MAP4K2: variants seen among roughly 807,000 people sequenced by gnomAD.
MAP4K2 encodes mitogen-activated protein kinase kinase kinase kinase 2, also known as B lymphocyte serine/threonine protein kinase.
Under a neutral mutation model 125.3 loss-of-function variants are expected in MAP4K2, and 85 were observed. The observed-to-expected ratio is 0.68, with a 90% CI of 0.57 to 0.81. MAP4K2 has a LOEUF of 0.81. MAP4K2 is among the 40% of genes least tolerant of loss of function. The pLI, the probability that MAP4K2 is intolerant of heterozygous loss-of-function variation, is 0.00. For missense variants in MAP4K2, 923 were observed against 1,056.4 expected, an observed-to-expected ratio of 0.87 and a Z score of 1.75; for synonymous variants, 479 against 445.1, an observed-to-expected ratio of 1.08 and a Z score of -0.96.
rs1041496704 is a variant in MAP4K2, at chr11:64,785,580, T to C, written c.*3957A>G. 1 of 145,772 alleles carries C rather than the reference T, an allele frequency of 6.9e-6. No individual in the cohort carries two copies. Among genetic ancestry groups the C allele is most frequent in the African/African-American group, 2.5e-5 (1 of 39,776 alleles). 9.0% of individuals were successfully genotyped at this position (145,772 alleles called of 1,614,324 possible). ...ATTACTTTTAAATATTTTTTAAAAATTTTTTTCCTTTTTTTTTTTTTCTTT... is the reference window on the plus strand; with the variant it reads ...ATTACTTTTAAATATTTTTTAAAAACTTTTTTCCTTTTTTTTTTTTTCTTT... On this transcript the variant is annotated 3_prime_UTR_variant, in exon 32 of 32. Transcript: ENST00000294066.
In MAP4K2 at chr11:64,792,572, C is replaced by G. The variant is rs535215453; in HGVS notation, c.1752-150G>C. 82 of 690,092 alleles carry G rather than the reference C, an allele frequency of 1.2e-4. No homozygotes were observed. In the South Asian group the frequency reaches 1.4e-3, roughly 12 times the overall value. 42.7% of individuals were successfully genotyped at this position (690,092 alleles called of 1,614,324 possible). On this transcript the variant is annotated intron_variant, in intron 24 of 31. Coordinates refer to ENST00000294066, the MANE Select transcript of MAP4K2 (RefSeq NM_004579.5). ...ACAGAGTAACTTGCCCCAAGAACAG[C>G]TGGGAAAGGTGGAGGATCTGAAGCC...
Position 64,796,834 on chromosome 11 carries a change from G to A in MAP4K2, c.1467C>T (p.Val489=). Residue 489 remains valine, a synonymous_variant, in exon 21 of 32, where the codon GTC becomes GTT. Coordinates refer to ENST00000294066, the MANE Select transcript of MAP4K2 (RefSeq NM_004579.5). ...NGCPLRIHAA[V]TWIHPVTRDQ... ...CCCGAGTAACAGGGTGAATCCAGGT[G>A]ACAGCAGCGTGGATCCGCAGGGGGC... is the stretch of plus-strand genomic sequence containing the variant. The A allele has an allele frequency of 6.2e-7, 1 of 1,613,786 alleles. No individual in the cohort carries two copies. Among genetic ancestry groups the A allele is most frequent in the Non-Finnish European group, 8.5e-7 (1 of 1,180,040 alleles).
chr11:64,796,269 T>C lies in MAP4K2; in HGVS notation c.1751+4A>G. ...CCGCTCCCTGCACGCCCAAGATCCC[T>C]GACCTGGGGATGATGCGCTGGGTGA... On this transcript the variant is annotated splice_donor_region_variant and intron_variant, in intron 24 of 31. Transcript: ENST00000294066. The C allele has an allele frequency of 6.6e-7, 1 of 1,526,338 alleles. No homozygotes were observed. The highest frequency in any genetic ancestry group is 2.3e-5 in the East Asian group (1 of 44,126). The allele number at this position is 1,526,338 out of a possible 1,614,324, so 94.5% of individuals were successfully genotyped here.
chr11:64,801,261 G>A, intron 7 of MAP4K2, 78 bp from the exon 8 acceptor site: 4 of 1,522,320 alleles, frequency 2.6e-6, no homozygotes, highest in Non-Finnish European at 3.6e-6. Context: ...TGGCTCGGCT[G>A]CACCTGGCAG....
Position 64,792,273 on chromosome 11 carries a change from G to T in MAP4K2, c.1813C>A (p.Arg605=). The change falls in exon 26 of 32, where the codon CGG becomes AGG. Residue 605 remains arginine (R), a splice_region_variant and synonymous_variant. Coordinates refer to ENST00000294066, the MANE Select transcript of MAP4K2 (RefSeq NM_004579.5). ...TKGCLQCRVV[R]NPYTGATFLL... Reference sequence around the variant, plus strand: ...AAGGTGGCACCCGTGTAGGGGTTCCGCACTGGCAGGGGAGCAGGCAGTGGG... The same window carrying T: ...AAGGTGGCACCCGTGTAGGGGTTCCTCACTGGCAGGGGAGCAGGCAGTGGG... The T allele has an allele frequency of 6.2e-7, 1 of 1,608,654 alleles. No homozygotes were observed. The highest frequency in any genetic ancestry group is 8.5e-7 in the Non-Finnish European group (1 of 1,178,166).
Position 64,801,593 on chromosome 11 carries a change from C to T in MAP4K2, c.443G>A (p.Gly148Glu). 6.2e-7 allele frequency: 1 copy of T among 1,614,038 alleles called. No individual in the cohort carries two copies. The highest frequency in any genetic ancestry group is 8.5e-7 in the Non-Finnish European group (1 of 1,179,970). Residue 148 changes from glycine to glutamate, a missense_variant, in exon 7 of 32, where the codon GGA (glycine) becomes GAA (glutamate). Coordinates refer to ENST00000294066, the MANE Select transcript of MAP4K2 (RefSeq NM_004579.5). Reference sequence around the variant, plus strand: ...AGGGTACTGACCCAGTTTGACATCTCCCTGGAGAGTGAGGAGAAGGTTGGC... The same window carrying T: ...AGGGTACTGACCCAGTTTGACATCTTCCTGGAGAGTGAGGAGAAGGTTGGC... ...KGANLLLTLQ[G>E]DVKLADFGVS...
rs772184647 is a variant in MAP4K2, at chr11:64,796,340, G to A, written c.1684C>T (p.Arg562Trp). 13 of 1,564,546 alleles carry A rather than the reference G, an allele frequency of 8.3e-6. No homozygotes were observed. Among genetic ancestry groups the A allele is most frequent in the Admixed American group, 5.5e-5 (3 of 54,536 alleles). Residue 562 changes from arginine (R) to tryptophan (W), a missense_variant, in exon 24 of 32, where the codon CGG (arginine) becomes TGG (tryptophan). Arg to Trp is a moderately radical substitution (Grantham distance 101). Coordinates refer to ENST00000294066, the MANE Select transcript of MAP4K2 (RefSeq NM_004579.5). Reference sequence around the variant, plus strand: ...AGGGGAACCTGTTGCTGTAGCCTCCGCTGCTCAAACAGGCCTGGGAGGTCA... The same window carrying A: ...AGGGGAACCTGTTGCTGTAGCCTCCACTGCTCAAACAGGCCTGGGAGGTCA... ...AHDLPGLFEQ[R>W]RLQQQVPLSI...
At position 64,802,569 on chromosome 11, in the gene MAP4K2, T is replaced by C. The variant is rs141149282; in HGVS notation, c.239A>G (p.Tyr80Cys). The part of the protein sequence containing the change: ...HPNVVAYIGS[Y>C]LRNDRLWICM... ...GAGGATAAGGCAGCCTCACCTGAGGTAGCTGCCAATGTAGGCCACCACATT... is the reference window on the plus strand; with the variant it reads ...GAGGATAAGGCAGCCTCACCTGAGGCAGCTGCCAATGTAGGCCACCACATT... The change falls in exon 3 of 32, where the codon TAC becomes TGC. Residue 80 changes from tyrosine to cysteine, a missense_variant. Physicochemically the swap from Tyr to Cys is radical, Grantham distance 194. Coordinates refer to ENST00000294066, the MANE Select transcript of MAP4K2 (RefSeq NM_004579.5). 1.2e-6 allele frequency: 2 copies of C among 1,607,836 alleles called. No homozygotes were observed.
intron 7 of MAP4K2, 56 bp downstream of exon 7, chr11:64,801,523 G>A (rs1288597245): frequency 1.2e-5 from 19 of 1,600,262 alleles, no homozygotes; most frequent in Non-Finnish European, 1.5e-5. Flanking sequence ...TGAGTCCAGG[G>A]TAGCCGGGGA....
At chr11:64,796,613 C>G (rs975346999) in intron 22 of MAP4K2, 21 bp downstream of exon 22, 1 of 1,614,058 alleles carries the variant, frequency 6.2e-7, no homozygotes, top group Admixed American at 1.7e-5. Context: ...CCTCTGCCCC[C>G]CACAGCCAGC....
chr11:64,789,418 T>C lies in MAP4K2; in HGVS notation c.*119A>G, dbSNP rs1330016559. 7 of 870,632 alleles carry C rather than the reference T, an allele frequency of 8.0e-6. No homozygotes were observed. Among genetic ancestry groups the C allele is most frequent in the Non-Finnish European group, 1.3e-5 (7 of 553,454 alleles). 53.9% of individuals were successfully genotyped at this position (870,632 alleles called of 1,614,324 possible). On this transcript the variant is annotated 3_prime_UTR_variant, in exon 32 of 32. Transcript: ENST00000294066. ...CATTTCTCAGGATTACTTCTGACCT[T>C]CAGCCCCAGCAGGGCCAGGGCCTGG...
chr11:64,791,623 G>C (rs1355214065), intron 27 of MAP4K2, among the ~76,000 whole-genome samples: 1 of 152,160 alleles, frequency 6.6e-6, no homozygotes. Flanking sequence ...CTCTCTCCTT[G>C]GCCTCCCAAA....
intron 10 of MAP4K2, 68 bp from the exon 11 acceptor site, chr11:64,800,460 G>T: frequency 6.5e-7 from 1 of 1,538,476 alleles, no homozygotes; most frequent in Non-Finnish European, 8.9e-7. Context: ...CCTGCCAGCT[G>T]CCCTACCACC....
chr11:64,790,402 C>T lies in MAP4K2; in HGVS notation c.2153G>A (p.Ser718Asn), dbSNP rs1045210408. Residue 718 changes from serine to asparagine, a missense_variant, in exon 28 of 32, where the codon AGC (serine) becomes AAC (asparagine). This residue lies in a region of MAP4K2 where 90 missense variants were observed against 144.9 expected (regional missense o/e 0.62). Coordinates refer to ENST00000294066, the MANE Select transcript of MAP4K2 (RefSeq NM_004579.5). ...GCCCCCAGGGCACTCACGTTCAAAG[C>T]TGACTAGGATTGTGTCCCTGTCCAC... ...IQVDRDTILV[S>N]FERCVRIVNM... The T allele has an allele frequency of 2.5e-6, 4 of 1,614,048 alleles. No homozygotes were observed. The highest frequency in any genetic ancestry group is 1.1e-5 in the South Asian group (1 of 91,092).
chr11:64,802,667 A>G lies in MAP4K2; in HGVS notation c.155-14T>C. 6.2e-7 allele frequency: 1 copy of G among 1,610,814 alleles called. No individual in the cohort carries two copies. Among genetic ancestry groups the G allele is most frequent in the Non-Finnish European group, 8.5e-7 (1 of 1,178,514 alleles). ...TGATGTCGTCCCCTGGGAAGCACAA[A>G]GCATCATGGGGAAGGCGCGCTGGGG... On this transcript the variant is annotated splice_polypyrimidine_tract_variant and intron_variant, in intron 2 of 31. Coordinates refer to ENST00000294066, the MANE Select transcript of MAP4K2 (RefSeq NM_004579.5).
chr11:64,792,352 C>T lies in MAP4K2; in HGVS notation c.1810+12G>A, dbSNP rs1392476941. On this transcript the variant is annotated intron_variant, in intron 25 of 31. Coordinates refer to ENST00000294066, the MANE Select transcript of MAP4K2 (RefSeq NM_004579.5). ...CCAGGCCCCGCCCCACCCCGCCCAG[C>T]CCATTTCTTACCCACACGACACTGC... The T allele has an allele frequency of 1.3e-6, 2 of 1,571,508 alleles. No individual in the cohort carries two copies. Among genetic ancestry groups the T allele is most frequent in the Admixed American group, 1.8e-5 (1 of 54,554 alleles).
At chr11:64,799,337 C>T in intron 14 of MAP4K2, 84 bp downstream of exon 14, 1 of 1,523,618 alleles carries the variant, frequency 6.6e-7, no homozygotes, top group Non-Finnish European at 9.0e-7. Context: ...TTCAAATCTC[C>T]CTTGATTTGA....
chr11:64,802,571 G>A lies in MAP4K2; in HGVS notation c.237C>T (p.Ser79=), dbSNP rs1941277332. The A allele has an allele frequency of 1.2e-6, 2 of 1,608,426 alleles. No homozygotes were observed. Among genetic ancestry groups the A allele is most frequent in the Non-Finnish European group, 8.5e-7 (1 of 1,177,628 alleles). ...RHPNVVAYIG[S]YLRNDRLWIC... ...GGATAAGGCAGCCTCACCTGAGGTA[G>A]CTGCCAATGTAGGCCACCACATTGG... The change falls in exon 3 of 32, where the codon AGC becomes AGT. Residue 79 remains serine, a synonymous_variant. Coordinates refer to ENST00000294066, the MANE Select transcript of MAP4K2 (RefSeq NM_004579.5).
intron 1 of MAP4K2, 33 bp downstream of exon 1, chr11:64,803,021 C>A (rs767076191): frequency 3.8e-6 from 6 of 1,590,454 alleles, no homozygotes; most frequent in Non-Finnish European, 5.1e-6. Context: ...GGCTGGCACC[C>A]TCCTCCCGGC....
Sources: gnomAD v4.1 joint callset for allele counts (sites outside exome capture counted in the v4.1 genomes callset) on GRCh38, gnomAD v4.1.1 for gene constraint, gnomAD v4.1.1 regional missense constraint, MANE v1.5 for transcripts, NCBI Gene and HGNC (gene_info 2026-07-23, HGNC 2026-07-21) for gene names.